SAMD12: variants seen among roughly 807,000 people sequenced by gnomAD.
SAMD12 encodes sterile alpha motif domain containing 12, also known as sterile alpha motif domain-containing protein 12.
SAMD12 carries 9 observed loss-of-function variants against 15.0 expected under a neutral mutation model. That is an observed-to-expected ratio of 0.60 (90% CI 0.36 to 1.05). SAMD12 has a LOEUF of 1.05. Ranked by LOEUF, SAMD12 falls within the 50% of genes least tolerant of loss-of-function variation. SAMD12 has a pLI of 0.01. For missense variants in SAMD12, 230 were observed against 234.2 expected (o/e 0.98, Z 0.12); for synonymous variants, 86 against 90.1 (o/e 0.96, Z 0.25).
At chr8:118,405,976 C>A (rs539179394) in intron 3 of SAMD12, among the ~76,000 whole-genome samples, 1 of 152,022 alleles carries the variant, frequency 6.6e-6, no homozygotes, top group South Asian at 2.1e-4. Flanking sequence ...CTCTCTATGG[C>A]CAGTCATAAA....
At chr8:118,227,943 A>G (rs1413707161) in intron 4 of SAMD12, among the ~76,000 whole-genome samples, 1 of 152,234 alleles carries the variant, frequency 6.6e-6, no homozygotes, top group Non-Finnish European at 1.5e-5. Flanking sequence ...AGGCACATAG[A>G]CCAATGGTAC....
chr8:118,329,351 T>C (rs1816708695), intron 4 of SAMD12, among the ~76,000 whole-genome samples: 1 of 152,134 alleles, frequency 6.6e-6, no homozygotes, highest in Non-Finnish European at 1.5e-5. Context: ...ATAAAGGAGT[T>C]ATTAAAATTA....
At chr8:118,137,926 AT>A in the SAMD12 span, among the ~76,000 whole-genome samples, 1 of 148,900 alleles carries the variant, frequency 6.7e-6, no homozygotes, top group African/African-American at 2.5e-5. Flanking sequence ...ATGAGAAAGC[AT>A]TTTTTTTTTT....
chr8:118,256,856 C>T (rs983853311), intron 4 of SAMD12, among the ~76,000 whole-genome samples: 42 of 151,036 alleles, frequency 2.8e-4, no homozygotes, highest in Middle Eastern at 6.8e-3. Context: ...ATTCTTGGTT[C>T]ATAGAGTCTT....
chr8:118,570,413 A>T (rs1407545723), intron 2 of SAMD12, among the ~76,000 whole-genome samples: 4 of 151,878 alleles, frequency 2.6e-5, no homozygotes, highest in African/African-American at 9.7e-5. Context: ...CTATATATCC[A>T]TGTGTTCTCA....
the SAMD12 span, among the ~76,000 whole-genome samples, chr8:118,133,414 C>G: frequency 1.3e-5 from 2 of 151,922 alleles, no homozygotes; most frequent in Admixed American, 1.3e-4. Flanking sequence ...AAACATGTGC[C>G]ATGGTGGTTT....
intron 3 of SAMD12, among the ~76,000 whole-genome samples, chr8:118,401,541 C>CTTTTTTTT (rs3884378): frequency 7.1e-6 from 1 of 140,256 alleles, no homozygotes. Flanking sequence ...CCTTCTTCTT[C>CTTTTTTTT]TTTTTTTTTT....
At chr8:118,319,907 A>T (rs1449519113) in intron 4 of SAMD12, among the ~76,000 whole-genome samples, 1 of 152,204 alleles carries the variant, frequency 6.6e-6, no homozygotes, top group Non-Finnish European at 1.5e-5. Context: ...GCATTCAGGA[A>T]GGAAGCTTAG....
intron 3 of SAMD12, among the ~76,000 whole-genome samples, chr8:118,427,255 G>T (rs1822260189): frequency 2.6e-5 from 4 of 152,090 alleles, no homozygotes; most frequent in Admixed American, 2.6e-4. Context: ...TGGAAAAAAT[G>T]CAGGATAACA....
At chr8:118,376,163 G>A (rs1301057085), downstream of SAMD12, among the ~76,000 whole-genome samples, 3 of 152,084 alleles carry the variant, frequency 2.0e-5, no homozygotes, top group African/African-American at 4.8e-5. Context: ...CCTAAGAAAC[G>A]CAATCATTTT....
intron 4 of SAMD12, among the ~76,000 whole-genome samples, chr8:118,364,721 A>G (rs1022714203): frequency 2.6e-5 from 4 of 152,158 alleles, no homozygotes; most frequent in African/African-American, 9.7e-5. Flanking sequence ...AAACAAAACA[A>G]TTCTGCTGCA....
At chr8:118,296,413 A>G (rs1042153801) in intron 4 of SAMD12, among the ~76,000 whole-genome samples, 1 of 152,256 alleles carries the variant, frequency 6.6e-6, no homozygotes, top group Non-Finnish European at 1.5e-5. Flanking sequence ...TTGATCATTC[A>G]TGCCAGGTTG....
chr8:118,550,879 C>G (rs565338850), intron 2 of SAMD12, among the ~76,000 whole-genome samples: 8,756 of 149,312 alleles, frequency 0.059, 311 homozygotes, highest in Non-Finnish European at 0.083. Flanking sequence ...GTTTGCAATC[C>G]TAGTCTCTGA....
rs1257883568 is a variant in SAMD12, at chr8:118,378,761, T to C, written c.*656A>G. 26 of 984,370 alleles carry C rather than the reference T, an allele frequency of 2.6e-5. No individual in the cohort carries two copies. Among genetic ancestry groups the C allele is most frequent in the Non-Finnish European group, 3.0e-5 (25 of 829,070 alleles). The allele number at this position is 984,370 out of a possible 1,614,324, so 61.0% of individuals were successfully genotyped here. On this transcript the variant is annotated 3_prime_UTR_variant, in exon 4 of 4. Transcript: ENST00000314727. ...AAAGTTTATAGCCAATGAAGGTTGATAGCATCCAAATCTCATGTAGACATA... is the reference window on the plus strand; with the variant it reads ...AAAGTTTATAGCCAATGAAGGTTGACAGCATCCAAATCTCATGTAGACATA...
At chr8:118,351,968 C>T (rs1282842065) in intron 4 of SAMD12, among the ~76,000 whole-genome samples, 1 of 152,168 alleles carries the variant, frequency 6.6e-6, no homozygotes, top group Non-Finnish European at 1.5e-5. Flanking sequence ...TAGGATTATC[C>T]AACCAATGTA....
intron 3 of SAMD12, among the ~76,000 whole-genome samples, chr8:118,425,014 T>C (rs139177557): frequency 0.034 from 5,103 of 151,430 alleles, 364 homozygotes; most frequent in East Asian, 0.28. Flanking sequence ...TCTCGGCTCA[T>C]TGCAAGCTCT....
At chr8:118,231,782 C>A (rs1812314605) in intron 4 of SAMD12, among the ~76,000 whole-genome samples, 1 of 152,074 alleles carries the variant, frequency 6.6e-6, no homozygotes, top group Non-Finnish European at 1.5e-5. Context: ...GGAGTAGTTG[C>A]CAGATGCTAC....
the SAMD12 span, among the ~76,000 whole-genome samples, chr8:118,145,413 T>G: frequency 2.0e-5 from 3 of 152,240 alleles, no homozygotes; most frequent in Non-Finnish European, 4.4e-5. Flanking sequence ...AAAACATCAT[T>G]CAATGTTGAA....
intron 4 of SAMD12, among the ~76,000 whole-genome samples, chr8:118,312,738 G>A (rs1815693903): frequency 6.6e-6 from 1 of 152,112 alleles, no homozygotes; most frequent in South Asian, 2.1e-4. Flanking sequence ...TTTATCTAAA[G>A]TGTGCAATTG....
Sources: allele counts gnomAD v4.1 joint callset (sites outside exome capture counted in the v4.1 genomes callset), GRCh38; gene constraint gnomAD v4.1.1; transcripts MANE v1.5; gene names NCBI Gene and HGNC (gene_info 2026-07-23, HGNC 2026-07-21).